Variants in ARHGAP29 observed in about 807,000 individuals in gnomAD.
ARHGAP29 encodes the protein rho GTPase-activating protein 29.
Under a neutral mutation model 122.6 loss-of-function variants are expected in ARHGAP29, and 43 were observed. The observed-to-expected ratio is 0.35, with a 90% confidence interval of 0.27 to 0.45. The LOEUF (loss-of-function observed/expected upper bound fraction) is 0.45. Among genes scored for constraint, ARHGAP29 ranks in the 20% least tolerant of loss-of-function variants. ARHGAP29 has a pLI of 1.00. For missense variants in ARHGAP29, 1,303 were observed against 1,477.2 expected, an observed-to-expected ratio of 0.88 and a Z score of 1.93; for synonymous variants, 506 against 497.1, an observed-to-expected ratio of 1.02 and a Z score of -0.24.
chr1:94,292,703 A>G, the ARHGAP29 span, among the ~76,000 whole-genome samples: 5 of 152,332 alleles, frequency 3.3e-5, no homozygotes, highest in East Asian at 9.7e-4. Flanking sequence ...TCCTTCTAAC[A>G]GACAGGCCCC....
At chr1:94,216,378 C>T (rs187415039) in intron 3 of ARHGAP29, among the ~76,000 whole-genome samples, 64 of 152,254 alleles carry the variant, frequency 4.2e-4, no homozygotes, top group Non-Finnish European at 8.2e-4. Flanking sequence ...AGGAGCAGAA[C>T]GCTACCATCT....
upstream of ARHGAP29, among the ~76,000 whole-genome samples, chr1:94,239,252 A>G (rs931612440): frequency 7.2e-5 from 11 of 152,230 alleles, no homozygotes; most frequent in East Asian, 3.8e-4. Context: ...CGATTCAATC[A>G]TAAGTAAGGT....
chr1:94,234,270 A>C (rs1203294979), intron 1 of ARHGAP29, among the ~76,000 whole-genome samples: 1 of 152,272 alleles, frequency 6.6e-6, no homozygotes, highest in East Asian at 1.9e-4. Context: ...TGAACTACTT[A>C]GAACTATCTG....
intron 21 of ARHGAP29, 32 bp from the exon 22 acceptor site, chr1:94,177,752 G>A (rs1649187486): frequency 6.3e-7 from 1 of 1,586,158 alleles, no homozygotes; most frequent in Non-Finnish European, 8.6e-7. Context: ...TAAAATGGAA[G>A]AAGTAAAACA....
At chr1:94,186,324 C>A (rs190379273) in intron 16 of ARHGAP29, among the ~76,000 whole-genome samples, 175 bp downstream of exon 16, 155 of 152,262 alleles carry the variant, frequency 1.0e-3, no homozygotes, top group African/African-American at 3.4e-3. Context: ...TTGATTAATA[C>A]ATTATCAACC....
At chr1:94,298,350 C>T in the ARHGAP29 span, among the ~76,000 whole-genome samples, 6 of 152,090 alleles carry the variant, frequency 3.9e-5, no homozygotes, top group African/African-American at 4.8e-5. Flanking sequence ...TAAGTGTTTA[C>T]GGTCTTTCTA....
intron 16 of ARHGAP29, 112 bp downstream of exon 16, chr1:94,186,383 TTTTG>T (rs1452350161): frequency 6.2e-6 from 4 of 640,888 alleles, no homozygotes; most frequent in African/African-American, 5.7e-5. Context: ...GGTGAATTTT[TTTTG>T]TTTAATACAC....
At chr1:94,229,255 ATAGT>A (rs1412607620) in intron 2 of ARHGAP29, among the ~76,000 whole-genome samples, 1 of 151,822 alleles carries the variant, frequency 6.6e-6, no homozygotes, top group Non-Finnish European at 1.5e-5. Flanking sequence ...ACCATCTTAA[ATAGT>A]TAGAGCATTT....
the ARHGAP29 span, among the ~76,000 whole-genome samples, chr1:94,305,957 C>A: frequency 6.6e-6 from 1 of 152,206 alleles, no homozygotes; most frequent in African/African-American, 2.4e-5. Context: ...CATTCTGGTT[C>A]AGTGAGAGTC....
chr1:94,171,872 A>G lies in ARHGAP29; in HGVS notation c.*1997T>C, dbSNP rs1395100839. 1 of 152,228 alleles carries G rather than the reference A, an allele frequency of 6.6e-6. No homozygotes were observed. Among genetic ancestry groups the G allele is most frequent in the African/African-American group, 2.4e-5 (1 of 41,468 alleles). 9.4% of individuals were successfully genotyped at this position (152,228 alleles called of 1,614,324 possible). A position where few individuals can be genotyped will look rare whatever the true frequency, so the allele number is the denominator to read the frequency against. ...AAGTACATTTTCTAAGTTTTAGTAT[A>G]GGATGATGATAATGTTCTGGAGATG... On this transcript the variant is annotated 3_prime_UTR_variant, in exon 23 of 23. Transcript: ENST00000260526.
At chr1:94,235,531 T>C (rs767358281) in intron 1 of ARHGAP29, among the ~76,000 whole-genome samples, 1 of 152,142 alleles carries the variant, frequency 6.6e-6, no homozygotes, top group Non-Finnish European at 1.5e-5. Flanking sequence ...TTCACTACAA[T>C]ACATAAGTGG....
chr1:94,257,263 G>A (rs1654394823), intron 1 of ARHGAP29, among the ~76,000 whole-genome samples: 1 of 152,008 alleles, frequency 6.6e-6, no homozygotes, highest in Non-Finnish European at 1.5e-5. Context: ...TTAGCTGGGT[G>A]TGGTGGTGCA....
chr1:94,301,590 C>G, the ARHGAP29 span, among the ~76,000 whole-genome samples: 1 of 152,300 alleles, frequency 6.6e-6, no homozygotes, highest in South Asian at 2.1e-4. Context: ...GTTCAGCTTT[C>G]TGCCCCTTGT....
intron 1 of ARHGAP29, among the ~76,000 whole-genome samples, chr1:94,251,359 C>T (rs575740093): frequency 1.3e-5 from 2 of 151,890 alleles, no homozygotes; most frequent in South Asian, 2.1e-4. Context: ...TTAATAGAGG[C>T]GGGGTTTCAC....
the ARHGAP29 span, among the ~76,000 whole-genome samples, chr1:94,306,084 T>A: frequency 6.6e-6 from 1 of 152,260 alleles, no homozygotes; most frequent in Non-Finnish European, 1.5e-5. Context: ...CACATACCTT[T>A]GGACAAGGCC....
At chr1:94,251,271 C>T (rs1196383489) in intron 1 of ARHGAP29, among the ~76,000 whole-genome samples, 19 of 151,346 alleles carry the variant, frequency 1.3e-4, no homozygotes, top group Non-Finnish European at 2.9e-5. Flanking sequence ...CCCGGGTTCA[C>T]GCCATTCTCC....
chr1:94,314,514 C>T, the ARHGAP29 span, among the ~76,000 whole-genome samples: 2 of 152,154 alleles, frequency 1.3e-5, no homozygotes, highest in African/African-American at 4.8e-5. Flanking sequence ...CTCTCCTTTC[C>T]CTCGGCTTAA....
In ARHGAP29 at chr1:94,171,225, G is replaced by A. The variant is rs891507230; in HGVS notation, c.*2644C>T. Among the ~76,000 whole-genome samples, 1 of 152,178 alleles carries A rather than the reference G, an allele frequency of 6.6e-6. No individual in the cohort carries two copies. Among genetic ancestry groups the A allele is most frequent in the Non-Finnish European group, 1.5e-5 (1 of 68,036 alleles). On this transcript the variant is annotated 3_prime_UTR_variant, in exon 23 of 23. Coordinates refer to ENST00000260526, the MANE Select transcript of ARHGAP29 (RefSeq NM_004815.4). Reference sequence around the variant, plus strand: ...AACTGAGGTACAATTCTATCTGCTTGTGAGTTCACTAGGCAACAAGTCTCA... The same window carrying A: ...AACTGAGGTACAATTCTATCTGCTTATGAGTTCACTAGGCAACAAGTCTCA...
Position 94,233,098 on chromosome 1 carries a change from C to A in ARHGAP29, c.-32-1455G>T, listed in dbSNP as rs567087983. On this transcript the variant is annotated intron_variant, in intron 1 of 22. Transcript: ENST00000260526. Reference sequence around the variant, plus strand: ...TAGCTGGGACTCCAGGGGCACAACACCACACCTAGCTAGCTAAAAAAAAAA... The same window carrying A: ...TAGCTGGGACTCCAGGGGCACAACAACACACCTAGCTAGCTAAAAAAAAAA... Among the ~76,000 whole-genome samples the A allele has an allele frequency of 5.9e-5, 9 of 151,606 alleles. No individual in the cohort carries two copies. The South Asian group carries it at 1.9e-3, about 32-fold the overall frequency.
Sources: gnomAD v4.1 joint callset for allele counts (sites outside exome capture counted in the v4.1 genomes callset) on GRCh38, gnomAD v4.1.1 for gene constraint, MANE v1.5 for transcripts, NCBI Gene and HGNC (gene_info 2026-07-23, HGNC 2026-07-21) for gene names.